Variants in CHST9 observed in about 807,000 individuals in gnomAD.
CHST9 encodes the protein GalNAc-4-sulfotransferase 2.
CHST9 carries 41 observed loss-of-function variants against 44.4 expected under a neutral mutation model. The ratio of observed to expected loss-of-function variants is 0.92; its 90% CI spans 0.72 to 1.20. CHST9 has a LOEUF of 1.20. CHST9 is among the 50% of genes most tolerant of loss of function. The pLI, the probability that CHST9 is intolerant of heterozygous loss-of-function variation, is 0.00. For missense variants in CHST9, 504 were observed against 516.5 expected (o/e 0.98, Z 0.23); for synonymous variants, 171 against 178.4 (o/e 0.96, Z 0.33).
intron 2 of CHST9, among the ~76,000 whole-genome samples, chr18:27,094,682 A>G (rs1794988068): frequency 6.6e-6 from 1 of 152,212 alleles, no homozygotes; most frequent in Non-Finnish European, 1.5e-5. Context: ...TTATGTTCAT[A>G]TAATAATAGA....
intron 5 of CHST9, among the ~76,000 whole-genome samples, chr18:26,929,964 T>C (rs1394009128): frequency 6.6e-6 from 1 of 152,186 alleles, no homozygotes. Context: ...GGGAGCAGCA[T>C]TGCCATGTGC....
intron 4 of CHST9, among the ~76,000 whole-genome samples, chr18:26,951,225 A>G (rs1371359444): frequency 2.6e-5 from 4 of 152,156 alleles, no homozygotes; most frequent in African/African-American, 7.2e-5. Flanking sequence ...GGAAGGACCT[A>G]TTTCTCTAAG....
chr18:26,919,166 G>T (rs1207517743), intron 5 of CHST9, among the ~76,000 whole-genome samples: 1 of 152,088 alleles, frequency 6.6e-6, no homozygotes, highest in South Asian at 2.1e-4. Flanking sequence ...CCCATGACAC[G>T]TGGGGATTAT....
intron 2 of CHST9, among the ~76,000 whole-genome samples, chr18:27,080,625 G>C (rs1040426472): frequency 3.3e-5 from 5 of 152,206 alleles, no homozygotes; most frequent in African/African-American, 1.2e-4. Context: ...AGAAGGCATA[G>C]GTGGCCAAAT....
intron 2 of CHST9, among the ~76,000 whole-genome samples, chr18:27,061,921 G>A (rs757315245): frequency 6.6e-6 from 1 of 152,144 alleles, no homozygotes; most frequent in Non-Finnish European, 1.5e-5. Flanking sequence ...GAAACCCATT[G>A]TACAACCTTT....
At chr18:27,084,262 A>G (rs2057988297) in intron 2 of CHST9, among the ~76,000 whole-genome samples, 1 of 151,974 alleles carries the variant, frequency 6.6e-6, no homozygotes, top group African/African-American at 2.4e-5. Flanking sequence ...TTGGCTATGA[A>G]TCCACCTGGT....
chr18:27,015,324 TG>T (rs1266131854), intron 4 of CHST9, among the ~76,000 whole-genome samples: 1 of 3,542 alleles, frequency 2.8e-4, no homozygotes, highest in Non-Finnish European at 4.6e-4. Flanking sequence ...GAGAGGCAGT[TG>T]TGTGTGTGTG....
At chr18:27,081,943 C>G (rs1229615352) in intron 2 of CHST9, among the ~76,000 whole-genome samples, 1 of 152,096 alleles carries the variant, frequency 6.6e-6, no homozygotes, top group Non-Finnish European at 1.5e-5. Flanking sequence ...AATATAAACC[C>G]AAGCTTTCTA....
intron 1 of CHST9, among the ~76,000 whole-genome samples, chr18:27,172,034 TATA>T (rs1316054827): frequency 1.3e-5 from 2 of 152,178 alleles, no homozygotes; most frequent in African/African-American, 4.8e-5. Flanking sequence ...CAAATATACT[TATA>T]ATATCTAGAA....
chr18:27,028,714 C>T (rs2057309139), intron 3 of CHST9, among the ~76,000 whole-genome samples: 2 of 151,862 alleles, frequency 1.3e-5, no homozygotes, highest in African/African-American at 2.4e-5. Context: ...GGCCCGGCTA[C>T]TTTTTTTGTA....
At chr18:26,927,336 G>A (rs561201128) in intron 5 of CHST9, among the ~76,000 whole-genome samples, 180 of 152,186 alleles carry the variant, frequency 1.2e-3, no homozygotes, top group Non-Finnish European at 2.2e-3. Flanking sequence ...GCGGGGGTAC[G>A]AGAGACTGAG....
chr18:26,967,839 G>A (rs990255184), intron 4 of CHST9, among the ~76,000 whole-genome samples: 1 of 152,126 alleles, frequency 6.6e-6, no homozygotes, highest in African/African-American at 2.4e-5. Context: ...CTGCCAGTGC[G>A]GCCAGAATAA....
In CHST9 at chr18:27,185,282, G is replaced by C. The variant is rs1000408639; in HGVS notation, c.-243C>G. 6.6e-6 allele frequency: 1 copy of C among 151,682 alleles called. No homozygotes were observed. Among genetic ancestry groups the C allele is most frequent in the Non-Finnish European group, 1.5e-5 (1 of 67,896 alleles). 9.4% of individuals were successfully genotyped at this position (151,682 alleles called of 1,614,324 possible). ...AGCGGAGCGCCGCGCCGGGAGCGGG[G>C]ACAGCTCGGAGTCGGGCGCTCACCC... On this transcript the variant is annotated 5_prime_UTR_variant, in exon 1 of 6. Transcript: ENST00000618847.
chr18:26,983,824 A>C (rs2145195678), intron 4 of CHST9, among the ~76,000 whole-genome samples: 1 of 152,330 alleles, frequency 6.6e-6, no homozygotes, highest in African/African-American at 2.4e-5. Context: ...TTTATATATA[A>C]AAGTTATAAG....
chr18:27,166,452 T>G (rs2058791518), intron 1 of CHST9, among the ~76,000 whole-genome samples: 1 of 152,208 alleles, frequency 6.6e-6, no homozygotes, highest in African/African-American at 2.4e-5. Context: ...ACTCTCTCTT[T>G]TCTTTTTAAG....
chr18:27,096,820 A>G lies in CHST9; in HGVS notation c.121+45869T>C, dbSNP rs1050890518. On this transcript the variant is annotated intron_variant, in intron 2 of 5. Transcript: ENST00000618847. ...ACCAACGAAAAAAAAGCCTCAAGCCAGATGGATTCTCAGCCAAATTCTACC... is the reference window on the plus strand; with the variant it reads ...ACCAACGAAAAAAAAGCCTCAAGCCGGATGGATTCTCAGCCAAATTCTACC... Among the ~76,000 whole-genome samples, 117 of 152,108 alleles carry G rather than the reference A, an allele frequency of 7.7e-4. 1 individual carries two copies. The highest frequency in any genetic ancestry group is 2.5e-3 in the African/African-American group (102 of 41,566).
At chr18:27,059,581 T>A (rs8094414) in intron 2 of CHST9, among the ~76,000 whole-genome samples, 1 of 152,228 alleles carries the variant, frequency 6.6e-6, no homozygotes, top group African/African-American at 2.4e-5. Context: ...TTGTTCACTT[T>A]AAATAGCAAT....
chr18:26,938,573 C>T (rs1426477477), intron 5 of CHST9, among the ~76,000 whole-genome samples: 1 of 152,170 alleles, frequency 6.6e-6, no homozygotes, highest in African/African-American at 2.4e-5. Context: ...AATGCAATCC[C>T]ACTTTAAATT....
At chr18:27,054,796 G>A (rs1184900420) in intron 2 of CHST9, among the ~76,000 whole-genome samples, 1 of 152,056 alleles carries the variant, frequency 6.6e-6, no homozygotes, top group Non-Finnish European at 1.5e-5. Context: ...TCAGGAGAAG[G>A]AAATTGTATA....
Sources: gnomAD v4.1 joint callset for allele counts (sites outside exome capture counted in the v4.1 genomes callset) on GRCh38, gnomAD v4.1.1 for gene constraint, MANE v1.5 for transcripts, NCBI Gene and HGNC (gene_info 2026-07-23, HGNC 2026-07-21) for gene names.